The following FOLH1 variants were observed in gnomAD, a reference collection of about 807,000 sequenced individuals.
The protein encoded by FOLH1 is glutamate carboxypeptidase 2.
A neutral mutation model predicts 93.9 loss-of-function variants in FOLH1; 54 were observed. The ratio of observed to expected loss-of-function variants is 0.57; its 90% CI spans 0.46 to 0.72. FOLH1 has a LOEUF of 0.72. Ranked by LOEUF, FOLH1 falls within the 30% of genes least tolerant of loss-of-function variation. The pLI, the probability that FOLH1 is intolerant of heterozygous loss-of-function variation, is 0.00. For synonymous variants in FOLH1, 249 were observed against 303.6 expected (o/e 0.82, Z 1.87); for missense variants, 571 against 892.5 (o/e 0.64, Z 4.59).
At chr11:49,163,047 G>T (rs1857903770) in intron 13 of FOLH1, among the ~76,000 whole-genome samples, 1 of 152,268 alleles carries the variant, frequency 6.6e-6, no homozygotes, top group East Asian at 1.9e-4. Context: ...ACCCAGACAG[G>T]AGGAAAAGGA....
Position 49,186,777 on chromosome 11 carries a change from G to A in FOLH1, c.514-8C>T, listed in dbSNP as rs377049265. ...AACATACACTAGATCGCCCTGTTGA[G>A]ATCGGGAATGACTTAATATGAGTCA... is the stretch of plus-strand genomic sequence containing the variant. On this transcript the variant is annotated splice_region_variant and splice_polypyrimidine_tract_variant and intron_variant, in intron 4 of 18. Coordinates refer to ENST00000256999, the MANE Select transcript of FOLH1 (RefSeq NM_004476.3). 1.3e-6 allele frequency: 2 copies of A among 1,589,884 alleles called. No individual in the cohort carries two copies. Among genetic ancestry groups the A allele is most frequent in the Middle Eastern group, 1.7e-4 (1 of 5,992 alleles).
intron 13 of FOLH1, among the ~76,000 whole-genome samples, chr11:49,158,791 G>A (rs569917775): frequency 6.6e-6 from 1 of 152,108 alleles, no homozygotes; most frequent in Non-Finnish European, 1.5e-5. Flanking sequence ...ATTTGAATAT[G>A]TCATCTCTGA....
chr11:49,203,869 T>C (rs1197809799), intron 2 of FOLH1, among the ~76,000 whole-genome samples: 1 of 151,960 alleles, frequency 6.6e-6, no homozygotes, highest in African/African-American at 2.4e-5. Context: ...CAGTTCAGCA[T>C]TGATCGCATT....
At chr11:49,197,977 C>T (rs1255403979) in intron 3 of FOLH1, among the ~76,000 whole-genome samples, 1 of 151,900 alleles carries the variant, frequency 6.6e-6, no homozygotes, top group Non-Finnish European at 1.5e-5. Flanking sequence ...TAAAAAAGAA[C>T]TAATGATATA....
Position 49,181,411 on chromosome 11 carries a change from C to T in FOLH1, c.920+1738G>A, listed in dbSNP as rs571049942. Among the ~76,000 whole-genome samples the T allele has an allele frequency of 3.3e-5, 5 of 151,910 alleles. No individual in the cohort carries two copies. In the South Asian group the frequency reaches 6.2e-4, roughly 19 times the overall value. On this transcript the variant is annotated intron_variant, in intron 7 of 18. Transcript: ENST00000256999. The stretch of plus-strand genomic sequence containing the variant: ...AAGTGTGAGCCACCGCGCCCAGCCC[C>T]ATGTTTTAATTTTTTATAAAACTGA...
In FOLH1 at chr11:49,147,940, G is replaced by C. The variant is rs552839040; in HGVS notation, c.2063+699C>G. On this transcript the variant is annotated intron_variant, in intron 18 of 18. Transcript: ENST00000256999. ...GGACCCTGTCTCTTAGGAAAAAAAG[G>C]GGGGGTGGGGGATGGATAAAAATAT... is the stretch of plus-strand genomic sequence containing the variant. Among the ~76,000 whole-genome samples, 12 of 151,944 alleles carry C rather than the reference G, an allele frequency of 7.9e-5. No homozygotes were observed. The East Asian group carries it at 9.7e-4, about 12-fold the overall frequency.
At position 49,167,887 on chromosome 11, in the gene FOLH1, A is replaced by G. The variant is rs572775387; in HGVS notation, c.1372+1308T>C. On this transcript the variant is annotated intron_variant, in intron 12 of 18. Transcript: ENST00000256999. Reference sequence around the variant, plus strand: ...AAAAAAACAAACAAACAAAAAACAGAAAAAGAACAGAAACAAAAAAACACA... The same window carrying G: ...AAAAAAACAAACAAACAAAAAACAGGAAAAGAACAGAAACAAAAAAACACA... Among the ~76,000 whole-genome samples the G allele has an allele frequency of 1.2e-3, 178 of 145,190 alleles. 1 individual carries two copies. Among genetic ancestry groups the G allele is most frequent in the African/African-American group, 4.4e-3 (171 of 38,886 alleles).
chr11:49,193,488 A>G (rs1376153845), intron 3 of FOLH1, among the ~76,000 whole-genome samples: 1 of 152,190 alleles, frequency 6.6e-6, no homozygotes, highest in Non-Finnish European at 1.5e-5. Flanking sequence ...CTCAATCATT[A>G]TAATAGTGCT....
intron 6 of FOLH1, among the ~76,000 whole-genome samples, chr11:49,183,793 A>G (rs1429980949): frequency 3.3e-5 from 5 of 152,246 alleles, no homozygotes; most frequent in South Asian, 2.1e-4. Flanking sequence ...ACTTACTTGA[A>G]GTTCAAACCC....
At chr11:49,164,821 A>G in intron 12 of FOLH1, 49 bp from the exon 13 acceptor site, 2 of 1,409,060 alleles carry the variant, frequency 1.4e-6, no homozygotes, top group Admixed American at 1.9e-5. Flanking sequence ...TCTTTCTGTT[A>G]TTATTTTCTT....
intron 4 of FOLH1, among the ~76,000 whole-genome samples, chr11:49,190,593 C>T (rs545169175): frequency 6.6e-6 from 1 of 152,310 alleles, no homozygotes; most frequent in East Asian, 1.9e-4. Context: ...TTGTTACAAA[C>T]ACAAACTCTC....
chr11:49,172,697 CA>C (rs1292942225), intron 10 of FOLH1, among the ~76,000 whole-genome samples: 215 of 152,150 alleles, frequency 1.4e-3, no homozygotes, highest in Non-Finnish European at 6.5e-4. Flanking sequence ...ACCTTGTTTG[CA>C]GGGTCAATAA....
chr11:49,160,499 G>A (rs1857571080), intron 13 of FOLH1, among the ~76,000 whole-genome samples: 2 of 151,692 alleles, frequency 1.3e-5, no homozygotes, highest in South Asian at 4.2e-4. Context: ...CTGGAGTGCA[G>A]TGACGTGATC....
In FOLH1 at chr11:49,169,188, T is replaced by C. The variant is rs907351901; in HGVS notation, c.1372+7A>G. On this transcript the variant is annotated splice_region_variant and intron_variant, in intron 12 of 18. Coordinates refer to ENST00000256999, the MANE Select transcript of FOLH1 (RefSeq NM_004476.3). ...ACATCTTTTCTTATGAGACCAACGATATTCACCTTCTATAGATGAGTCAGC... is the reference window on the plus strand; with the variant it reads ...ACATCTTTTCTTATGAGACCAACGACATTCACCTTCTATAGATGAGTCAGC... 8.1e-6 allele frequency: 13 copies of C among 1,612,738 alleles called. No individual in the cohort carries two copies. Among genetic ancestry groups the C allele is most frequent in the Admixed American group, 1.7e-5 (1 of 59,974 alleles).
chr11:49,182,729 G>C (rs1860913301), intron 7 of FOLH1, among the ~76,000 whole-genome samples: 1 of 152,160 alleles, frequency 6.6e-6, no homozygotes, highest in Non-Finnish European at 1.5e-5. Flanking sequence ...ATTTAAGCGA[G>C]GCTATCAAGG....
chr11:49,169,911 A>C (rs953215344), intron 11 of FOLH1, among the ~76,000 whole-genome samples: 2 of 152,216 alleles, frequency 1.3e-5, no homozygotes, highest in African/African-American at 4.8e-5. Flanking sequence ...AATGAAAAAA[A>C]TACAACTGTA....
At position 49,198,362 on chromosome 11, in the gene FOLH1, GTC is replaced by G. The variant is rs1225742260; in HGVS notation, c.411+1891_411+1892del. ...CCGGGCGTCGTGGCGGGAGCCTGTA[GTC>G]CCAGCTACTAGGGAGGCTGAGACAG... On this transcript the variant is annotated intron_variant, in intron 3 of 18. Coordinates refer to ENST00000256999, the MANE Select transcript of FOLH1 (RefSeq NM_004476.3). Among the ~76,000 whole-genome samples the G allele has an allele frequency of 4.6e-5, 7 of 152,002 alleles. No individual in the cohort carries two copies. In the East Asian group the frequency reaches 1.4e-3, roughly 30 times the overall value.
chr11:49,163,236 G>T (rs1857926621), intron 13 of FOLH1, among the ~76,000 whole-genome samples: 1 of 152,082 alleles, frequency 6.6e-6, no homozygotes, highest in South Asian at 2.1e-4. Context: ...CTCCATCCCA[G>T]GGTGTCCTAA....
chr11:49,186,946 A>T (rs561919812), intron 4 of FOLH1, among the ~76,000 whole-genome samples, 177 bp from the exon 5 acceptor site: 102 of 152,328 alleles, frequency 6.7e-4, no homozygotes, highest in African/African-American at 2.3e-3. Flanking sequence ...TTGAGAATGG[A>T]ATTAGATGGG....
Sources: allele counts gnomAD v4.1 joint callset (sites outside exome capture counted in the v4.1 genomes callset), GRCh38; gene constraint gnomAD v4.1.1; transcripts MANE v1.5; gene names NCBI Gene and HGNC (gene_info 2026-07-23, HGNC 2026-07-21).